FHIT: variants seen among roughly 807,000 people sequenced by gnomAD.
FHIT encodes the protein bis(5'-adenosyl)-triphosphatase.
In FHIT, 19 loss-of-function variants were observed where a neutral mutation model predicts 17.9. The ratio of observed to expected loss-of-function variants is 1.06; its 90% CI spans 0.74 to 1.56. FHIT has a LOEUF of 1.56. Ranked by LOEUF, FHIT falls within the 40% of genes most tolerant of loss-of-function variation. The pLI is 0.00. For missense variants in FHIT, 248 were observed against 189.2 expected, an observed-to-expected ratio of 1.31 and a Z score of -1.82; for synonymous variants, 81 against 69.7, an observed-to-expected ratio of 1.16 and a Z score of -0.81.
intron 3 of FHIT, among the ~76,000 whole-genome samples, chr3:61,009,696 C>A (rs2031679160): frequency 6.6e-6 from 1 of 151,958 alleles, no homozygotes; most frequent in South Asian, 2.1e-4. Flanking sequence ...AATATTTCAT[C>A]TATCCAAGAT....
intron 5 of FHIT, among the ~76,000 whole-genome samples, chr3:60,435,799 C>T (rs1007393083): frequency 3.9e-5 from 6 of 152,076 alleles, no homozygotes; most frequent in African/African-American, 1.4e-4. Context: ...GATCGTCTCC[C>T]TCCTCTCACA....
chr3:61,239,516 A>T (rs1196589159), intron 1 of FHIT, among the ~76,000 whole-genome samples: 1 of 151,896 alleles, frequency 6.6e-6, no homozygotes, highest in African/African-American at 2.4e-5. Flanking sequence ...CTGTCTGGCC[A>T]TTTTATCTCA....
chr3:60,314,464 A>G (rs1256503765), intron 5 of FHIT, among the ~76,000 whole-genome samples: 1 of 152,166 alleles, frequency 6.6e-6, no homozygotes, highest in African/African-American at 2.4e-5. Flanking sequence ...ATAAGAAAAA[A>G]TCATAATTTT....
intron 5 of FHIT, among the ~76,000 whole-genome samples, chr3:60,039,506 C>T (rs575068067): frequency 6.6e-6 from 1 of 152,034 alleles, no homozygotes; most frequent in African/African-American, 2.4e-5. Context: ...GCAAGAGAGT[C>T]CTTGGAGAAT....
Position 60,214,269 on chromosome 3 carries a change from G to T in FHIT, c.104-200117C>A, listed in dbSNP as rs530962223. Among the ~76,000 whole-genome samples, 10 of 152,194 alleles carry T rather than the reference G, an allele frequency of 6.6e-5. No homozygotes were observed. In the South Asian group the frequency reaches 2.1e-3, roughly 32 times the overall value. Reference sequence around the variant, plus strand: ...ACCTCATTATACTAAAGATGAAATAGTTTCTAAATACAGATCCTAAACTTG... The same window carrying T: ...ACCTCATTATACTAAAGATGAAATATTTTCTAAATACAGATCCTAAACTTG... On this transcript the variant is annotated intron_variant, in intron 5 of 9. Transcript: ENST00000492590.
intron 8 of FHIT, among the ~76,000 whole-genome samples, chr3:59,903,677 G>A (rs572351372): frequency 1.9e-4 from 29 of 152,228 alleles, no homozygotes; most frequent in Admixed American, 5.9e-4. Context: ...AAAAGCCCTC[G>A]AGAAGTTTAA....
intron 4 of FHIT, among the ~76,000 whole-genome samples, chr3:60,802,823 A>T (rs1416015842): frequency 6.6e-6 from 1 of 152,032 alleles, no homozygotes; most frequent in Non-Finnish European, 1.5e-5. Flanking sequence ...AACCAGGACA[A>T]CTCTTGTTTC....
rs369401377 is a variant in FHIT, at chr3:60,837,005, G to C, written c.-110-14994C>G. On this transcript the variant is annotated intron_variant, in intron 3 of 9. Transcript: ENST00000492590. ...GATTGTTGATTATTATTTCATTCAG[G>C]ACTTTGAATGCTTTAAGTTCCTGAG... Among the ~76,000 whole-genome samples the C allele has an allele frequency of 6.6e-5, 10 of 152,148 alleles. No homozygotes were observed. In the East Asian group the frequency reaches 1.5e-3, roughly 24 times the overall value.
chr3:61,004,453 T>A (rs2031307763), intron 3 of FHIT, among the ~76,000 whole-genome samples: 1 of 152,216 alleles, frequency 6.6e-6, no homozygotes, highest in African/African-American at 2.4e-5. Context: ...TTATAAAACT[T>A]TGGGTAGTAT....
intron 4 of FHIT, among the ~76,000 whole-genome samples, chr3:60,743,018 A>G (rs1553714300): frequency 6.6e-6 from 1 of 152,246 alleles, no homozygotes. Context: ...TGGAAGAGCT[A>G]ACGCTAGGAG....
In FHIT at chr3:60,383,142, G is replaced by A. The variant is rs191489130; in HGVS notation, c.103+153718C>T. On this transcript the variant is annotated intron_variant, in intron 5 of 9. Transcript: ENST00000492590. Reference sequence around the variant, plus strand: ...AAACAGAGCGACAGAAATGTTTACCGATAGAAAAATATGTAGGGAATGGGA... The same window carrying A: ...AAACAGAGCGACAGAAATGTTTACCAATAGAAAAATATGTAGGGAATGGGA... 3.6e-3 allele frequency among the ~76,000 whole-genome samples: 543 copies of A among 152,230 alleles called. 3 individuals carry two copies. Among genetic ancestry groups the A allele is most frequent in the Middle Eastern group, 6.8e-3 (2 of 294 alleles).
chr3:60,702,538 C>A (rs1200264567), intron 4 of FHIT, among the ~76,000 whole-genome samples: 5 of 150,134 alleles, frequency 3.3e-5, no homozygotes. Context: ...TTTTCTATTT[C>A]TAGATAACTA....
At chr3:61,047,340 GAC>G (rs1482333411) in intron 2 of FHIT, among the ~76,000 whole-genome samples, 2 of 152,250 alleles carry the variant, frequency 1.3e-5, no homozygotes, top group South Asian at 4.1e-4. Context: ...AGCAATAACA[GAC>G]AAACAGAGAG....
chr3:60,377,631 G>A (rs969463329), intron 5 of FHIT, among the ~76,000 whole-genome samples: 72 of 148,662 alleles, frequency 4.8e-4, no homozygotes, highest in African/African-American at 1.5e-3. Flanking sequence ...ACAGGCGCCC[G>A]CCACCGCGCC....
chr3:60,979,982 A>T (rs2107550757), intron 3 of FHIT, among the ~76,000 whole-genome samples: 1 of 152,342 alleles, frequency 6.6e-6, no homozygotes, highest in East Asian at 1.9e-4. Context: ...AGAGAAAGGA[A>T]GTTTCACTGC....
chr3:60,543,545 T>G (rs1424370145), intron 4 of FHIT, among the ~76,000 whole-genome samples: 1 of 152,218 alleles, frequency 6.6e-6, no homozygotes, highest in Admixed American at 6.5e-5. Flanking sequence ...ATATGTTTTA[T>G]GCATTCTATC....
intron 5 of FHIT, among the ~76,000 whole-genome samples, chr3:60,333,158 G>C (rs1308740906): frequency 6.6e-6 from 1 of 152,144 alleles, no homozygotes; most frequent in East Asian, 1.9e-4. Flanking sequence ...AGAAATGAAA[G>C]CGCATATTGC....
chr3:60,699,978 A>G (rs1553701683), intron 4 of FHIT, among the ~76,000 whole-genome samples: 3 of 151,940 alleles, frequency 2.0e-5, no homozygotes, highest in South Asian at 2.1e-4. Flanking sequence ...AAAAATACAA[A>G]AAAAGTAGCC....
chr3:61,021,407 A>G (rs9680926), intron 3 of FHIT, among the ~76,000 whole-genome samples: 142,783 of 144,296 alleles, frequency 0.99, 70,658 homozygotes, highest in East Asian at 1. Flanking sequence ...AGACCATCCC[A>G]GCTAAAACGG....
Sources: allele counts gnomAD v4.1 joint callset (sites outside exome capture counted in the v4.1 genomes callset), GRCh38; gene constraint gnomAD v4.1.1; transcripts MANE v1.5; gene names NCBI Gene and HGNC (gene_info 2026-07-23, HGNC 2026-07-21).